The following CCR3 variants were observed in gnomAD, a reference collection of about 807,000 sequenced individuals.
The protein encoded by CCR3 is C-C motif chemokine receptor 3.
For missense variants in CCR3, 419 were observed against 437.5 expected (o/e 0.96, Z 0.38); for synonymous variants, 203 against 179.2 (o/e 1.13, Z -1.06).
chr3:46,218,808 C>A (rs1305601775), intron 2 of CCR3, among the ~76,000 whole-genome samples: 7 of 152,006 alleles, frequency 4.6e-5, no homozygotes, highest in South Asian at 2.1e-4. Flanking sequence ...TTAGCAAAAT[C>A]AGCATAGAAG....
chr3:46,228,357 T>C (rs1699927288), intron 2 of CCR3, among the ~76,000 whole-genome samples: 2 of 152,218 alleles, frequency 1.3e-5, no homozygotes, highest in Admixed American at 6.5e-5. Flanking sequence ...GAATTTTATC[T>C]GAGTCACCCT....
At chr3:46,244,073 TC>T (rs1700146703) in intron 1 of CCR3, among the ~76,000 whole-genome samples, 1 of 152,208 alleles carries the variant, frequency 6.6e-6, no homozygotes, top group South Asian at 2.1e-4. Flanking sequence ...ACAAAATGCA[TC>T]AAGAGACTTC....
intron 1 of CCR3, 163 bp from the exon 2 acceptor site, chr3:46,264,985 T>C (rs3091311): frequency 0.39 from 228,864 of 593,620 alleles, 47,370 homozygotes; most frequent in East Asian, 0.63. Flanking sequence ...CTCAATCCTT[T>C]TCCTGGCACC....
intron 1 of CCR3, chr3:46,264,295 T>G (rs929947264): frequency 1.1e-6 from 1 of 895,934 alleles, no homozygotes; most frequent in African/African-American, 1.7e-5. Flanking sequence ...GAAAGTAACC[T>G]AAACTAATGC....
chr3:46,243,002 T>TATATATACACAC (rs56773457), intron 1 of CCR3, among the ~76,000 whole-genome samples: 4 of 123,740 alleles, frequency 3.2e-5, no homozygotes, highest in African/African-American at 9.8e-5. Context: ...TATATATATA[T>TATATATACACAC]ACGCACACAC....
chr3:46,248,100 A>G (rs1430712927), intron 1 of CCR3, among the ~76,000 whole-genome samples: 1 of 151,698 alleles, frequency 6.6e-6, no homozygotes, highest in Non-Finnish European at 1.5e-5. Flanking sequence ...AAAGAAGGAG[A>G]TATGGGGAAA....
chr3:46,252,803 A>G (rs1214191872), intron 1 of CCR3, among the ~76,000 whole-genome samples: 1 of 152,162 alleles, frequency 6.6e-6, no homozygotes, highest in Non-Finnish European at 1.5e-5. Flanking sequence ...TTTGCCATTC[A>G]TGGTGATAGC....
intron 1 of CCR3, among the ~76,000 whole-genome samples, chr3:46,259,926 TAC>T (rs1440837312): frequency 6.6e-6 from 1 of 152,186 alleles, no homozygotes; most frequent in African/African-American, 2.4e-5. Flanking sequence ...GATGAAGACA[TAC>T]CTGTGACTGG....
In CCR3 at chr3:46,266,209, C is replaced by A; in HGVS notation, c.1051C>A (p.Leu351Ile). ...SVSPSTAEPE[L>I]SIVF The stretch of plus-strand genomic sequence containing the variant: ...CTCTCCATCCACAGCAGAGCCGGAA[C>A]TCTCTATTGTGTTTTAGGTCAGATG... Residue 351 changes from leucine to isoleucine, a missense_variant, in exon 2 of 2, where the codon CTC becomes ATC. Coordinates refer to ENST00000395940, the MANE Select transcript of CCR3 (RefSeq NM_178329.3). The A allele has an allele frequency of 6.2e-7, 1 of 1,611,520 alleles. No individual in the cohort carries two copies. The highest frequency in any genetic ancestry group is 1.1e-5 in the South Asian group (1 of 90,866).
chr3:46,230,549 G>T (rs776919141), intron 2 of CCR3, among the ~76,000 whole-genome samples: 1 of 152,092 alleles, frequency 6.6e-6, no homozygotes. Context: ...GTGATCTTGG[G>T]CCCGTTGCTT....
chr3:46,266,263 A>C lies in CCR3; in HGVS notation c.*37A>C. 7.3e-7 allele frequency: 1 copy of C among 1,369,926 alleles called. No homozygotes were observed. The highest frequency in any genetic ancestry group is 1.3e-5 in the South Asian group (1 of 79,254). The allele number at this position is 1,369,926 out of a possible 1,614,324, so 84.9% of individuals were successfully genotyped here. A position where few individuals can be genotyped will look rare whatever the true frequency, so the allele number is the denominator to read the frequency against. On this transcript the variant is annotated 3_prime_UTR_variant, in exon 2 of 2. Coordinates refer to ENST00000395940, the MANE Select transcript of CCR3 (RefSeq NM_178329.3). ...AAAATTGCCTAAAGAGGAAGGACCAAGGAGATGAAGCAAACACATTAAGCC... is the reference window on the plus strand; with the variant it reads ...AAAATTGCCTAAAGAGGAAGGACCACGGAGATGAAGCAAACACATTAAGCC...
At chr3:46,221,540 CTA>C (rs1483033995) in intron 2 of CCR3, among the ~76,000 whole-genome samples, 2 of 152,198 alleles carry the variant, frequency 1.3e-5, no homozygotes, top group African/African-American at 2.4e-5. Context: ...CTTGGCTGGG[CTA>C]TGTTTCAAGT....
In CCR3 at chr3:46,212,240, T is replaced by C. The variant is rs117459264; in HGVS notation, c.-68+1333T>C. ...CTTTTAGGTTCGGTGGCTACATGAATAGGTTAATTTGGTGGTGCCGTGATC... is the reference window on the plus strand; with the variant it reads ...CTTTTAGGTTCGGTGGCTACATGAACAGGTTAATTTGGTGGTGCCGTGATC... On this transcript the variant is annotated intron_variant, in intron 2 of 3. Coordinates refer to the CCR3 transcript ENST00000357422. Among the ~76,000 whole-genome samples the C allele has an allele frequency of 1.5e-3, 232 of 152,252 alleles. 2 individuals carry two copies. In the East Asian group the frequency reaches 0.041, roughly 27 times the overall value.
At chr3:46,214,976 T>G (rs1488357367) in intron 2 of CCR3, among the ~76,000 whole-genome samples, 1 of 152,096 alleles carries the variant, frequency 6.6e-6, no homozygotes, top group Non-Finnish European at 1.5e-5. Context: ...CCATTGTACC[T>G]GAAGAGGCTG....
At chr3:46,250,252 C>G (rs536427916) in intron 1 of CCR3, among the ~76,000 whole-genome samples, 5 of 151,954 alleles carry the variant, frequency 3.3e-5, no homozygotes, top group African/African-American at 4.8e-5. Context: ...TAAGCCGGAC[C>G]AGGTGTGAGG....
chr3:46,257,812 T>C (rs1700456661), intron 1 of CCR3, among the ~76,000 whole-genome samples: 1 of 152,178 alleles, frequency 6.6e-6, no homozygotes, highest in Non-Finnish European at 1.5e-5. Context: ...GACCCTGGAA[T>C]ACAGGTAGTG....
At chr3:46,255,205 G>T (rs1183837873) in intron 1 of CCR3, among the ~76,000 whole-genome samples, 2 of 151,930 alleles carry the variant, frequency 1.3e-5, no homozygotes, top group South Asian at 4.2e-4. Context: ...TTTGAGAATT[G>T]TCTATTCATG....
upstream of CCR3, among the ~76,000 whole-genome samples, chr3:46,238,343 C>T (rs1700043643): frequency 6.6e-6 from 1 of 152,064 alleles, no homozygotes; most frequent in Non-Finnish European, 1.5e-5. Flanking sequence ...ACAATGTTGA[C>T]AGTCTTGTGT....
chr3:46,219,984 A>G (rs1214045807), intron 2 of CCR3, among the ~76,000 whole-genome samples: 2 of 152,262 alleles, frequency 1.3e-5, no homozygotes, highest in Non-Finnish European at 2.9e-5. Context: ...ACAAAGATAA[A>G]TAGATGGGAC....
Sources: gnomAD v4.1 joint callset for allele counts (sites outside exome capture counted in the v4.1 genomes callset) on GRCh38, gnomAD v4.1.1 for gene constraint, MANE v1.5 for transcripts, NCBI Gene and HGNC (gene_info 2026-07-23, HGNC 2026-07-21) for gene names.